AP1B1: variants seen among roughly 807,000 people sequenced by gnomAD.
AP1B1 encodes the protein AP-1 complex subunit beta-1.
AP1B1 carries 36 observed loss-of-function variants against 104.3 expected under a neutral mutation model. That is an observed-to-expected ratio of 0.35 (90% CI 0.26 to 0.46). The LOEUF (loss-of-function observed/expected upper bound fraction) is 0.46. Among genes scored for constraint, AP1B1 ranks in the 20% least tolerant of loss-of-function variants. The probability of loss-of-function intolerance (pLI) is 1.00; values close to 1 mark genes in which losing one functional copy is unlikely to be tolerated. For missense variants in AP1B1, 901 were observed against 1,247.9 expected (o/e 0.72, Z 4.19); for synonymous variants, 504 against 517.5 (o/e 0.97, Z 0.35).
intron 6 of AP1B1, 42 bp from the exon 7 acceptor site, chr22:29,354,913 G>T: frequency 6.4e-7 from 1 of 1,557,412 alleles, no homozygotes; most frequent in Non-Finnish European, 8.9e-7. Context: ...GGAAAGACAA[G>T]GGGAAACATT....
At position 29,331,544 on chromosome 22, in the gene AP1B1, G is replaced by A. The variant is rs1189359982; in HGVS notation, c.2440-11C>T. 6.2e-7 allele frequency: 1 copy of A among 1,614,016 alleles called. No homozygotes were observed. Among genetic ancestry groups the A allele is most frequent in the African/African-American group, 1.3e-5 (1 of 74,944 alleles). ...GTTCTTCACGGCCACCTAGGCACAAGGGGGTCCCCAGTCAGTCTCTGGGGC... is the reference window on the plus strand; with the variant it reads ...GTTCTTCACGGCCACCTAGGCACAAAGGGGTCCCCAGTCAGTCTCTGGGGC... On this transcript the variant is annotated splice_polypyrimidine_tract_variant and intron_variant, in intron 18 of 22. Transcript: ENST00000357586.
At chr22:29,346,033 G>A (rs1339817940) in intron 11 of AP1B1, among the ~76,000 whole-genome samples, 3 of 152,210 alleles carry the variant, frequency 2.0e-5, no homozygotes, top group East Asian at 3.8e-4. Context: ...AACCAAAGAT[G>A]CAAAGTGAAC....
At chr22:29,378,588 A>C (rs1241131610) in intron 1 of AP1B1, among the ~76,000 whole-genome samples, 2 of 144,684 alleles carry the variant, frequency 1.4e-5, no homozygotes, top group African/African-American at 5.1e-5. Flanking sequence ...GGCCGGGCGC[A>C]GTGGCTCACG....
At position 29,359,947 on chromosome 22, in the gene AP1B1, G is replaced by A. The variant is rs755546030; in HGVS notation, c.156C>T (p.Pro52=). The A allele has an allele frequency of 1.7e-5, 28 of 1,612,962 alleles. No homozygotes were observed. The highest frequency in any genetic ancestry group is 6.7e-5 in the African/African-American group (5 of 74,872). ...CCGTCTGCATGCAGTTGACCACATCGGGGAAGAGGGCACTGGAAGGTCAAA... is the reference window on the plus strand; with the variant it reads ...CCGTCTGCATGCAGTTGACCACATCAGGGAAGAGGGCACTGGAAGGTCAAA... ...TVGKDVSALF[P]DVVNCMQTDN... Residue 52 remains proline, a synonymous_variant, in exon 4 of 23, where the codon CCC becomes CCT. Coordinates refer to ENST00000357586, the MANE Select transcript of AP1B1 (RefSeq NM_001127.4).
intron 1 of AP1B1, among the ~76,000 whole-genome samples, chr22:29,369,942 A>G (rs888787162): frequency 2.0e-5 from 3 of 151,436 alleles, no homozygotes; most frequent in Non-Finnish European, 4.4e-5. Context: ...CAGGTAAATC[A>G]GATAATGGGA....
intron 11 of AP1B1, among the ~76,000 whole-genome samples, 172 bp from the exon 12 acceptor site, chr22:29,342,555 T>C (rs1445642796): frequency 6.6e-6 from 1 of 152,200 alleles, no homozygotes; most frequent in African/African-American, 2.4e-5. Context: ...CAAGTGTTGG[T>C]GCCGCTGAGC....
Position 29,349,201 on chromosome 22 carries a change from C to G in AP1B1, c.1437+17G>C, listed in dbSNP as rs1343309342. The G allele has an allele frequency of 1.9e-6, 3 of 1,610,370 alleles. No individual in the cohort carries two copies. The highest frequency in any genetic ancestry group is 1.3e-5 in the African/African-American group (1 of 75,052). ...CTGCCAGTCATGACTCACACCCTGG[C>G]CAGCTCGCTGGCTCACCTGTGTGCT... On this transcript the variant is annotated intron_variant, in intron 11 of 22. Transcript: ENST00000357586.
At chr22:29,367,747 C>T (rs1203580569) in intron 1 of AP1B1, among the ~76,000 whole-genome samples, 2 of 152,172 alleles carry the variant, frequency 1.3e-5, no homozygotes, top group African/African-American at 4.8e-5. Context: ...TCATTAGGAG[C>T]CTCATCACAG....
intron 1 of AP1B1, among the ~76,000 whole-genome samples, chr22:29,382,323 A>G (rs1264631452): frequency 6.6e-6 from 1 of 152,194 alleles, no homozygotes; most frequent in Admixed American, 6.5e-5. Context: ...CTGGGATTAC[A>G]GGCATGAGCC....
At chr22:29,376,959 G>A (rs2148045333) in intron 1 of AP1B1, among the ~76,000 whole-genome samples, 1 of 152,226 alleles carries the variant, frequency 6.6e-6, no homozygotes, top group Admixed American at 6.5e-5. Context: ...ACTTTGGGAG[G>A]CCGAGGTGGG....
At position 29,331,547 on chromosome 22, in the gene AP1B1, G is replaced by A. The variant is rs139095369; in HGVS notation, c.2440-14C>T. On this transcript the variant is annotated splice_polypyrimidine_tract_variant and intron_variant, in intron 18 of 22. Coordinates refer to ENST00000357586, the MANE Select transcript of AP1B1 (RefSeq NM_001127.4). ...CTTCACGGCCACCTAGGCACAAGGGGGTCCCCAGTCAGTCTCTGGGGCTTG... is the reference window on the plus strand; with the variant it reads ...CTTCACGGCCACCTAGGCACAAGGGAGTCCCCAGTCAGTCTCTGGGGCTTG... 1.1e-4 allele frequency: 182 copies of A among 1,614,072 alleles called. No homozygotes were observed. Among genetic ancestry groups the A allele is most frequent in the African/African-American group, 1.0e-3 (76 of 75,042 alleles).
intron 11 of AP1B1, among the ~76,000 whole-genome samples, chr22:29,344,718 C>T (rs887534489): frequency 6.6e-6 from 1 of 151,758 alleles, no homozygotes; most frequent in Admixed American, 6.6e-5. Flanking sequence ...TGGGTTTCAC[C>T]ATGTTGGCCA....
At chr22:29,377,389 C>G (rs2062362626) in intron 1 of AP1B1, among the ~76,000 whole-genome samples, 1 of 151,974 alleles carries the variant, frequency 6.6e-6, no homozygotes, top group Admixed American at 6.6e-5. Context: ...CAAGTCAGTT[C>G]AATCACTATG....
Position 29,356,456 on chromosome 22 carries a change from T to G in AP1B1, c.686A>C (p.Tyr229Ser). The change falls in exon 6 of 23, where the codon TAT becomes TCT. Residue 229 changes from tyrosine to serine, a missense_variant. Transcript: ENST00000357586. The part of the protein sequence containing the change: ...QIFILDCLAN[Y>S]MPKDDREAQS... ...GGCCTCGCGGTCGTCCTTGGGCATA[T>G]AGTTGGCGAGGCAGTCCAGGATGAA... is the stretch of plus-strand genomic sequence containing the variant. The G allele has an allele frequency of 6.2e-7, 1 of 1,614,176 alleles. No individual in the cohort carries two copies. Among genetic ancestry groups the G allele is most frequent in the Non-Finnish European group, 8.5e-7 (1 of 1,180,016 alleles).
intron 7 of AP1B1, 126 bp downstream of exon 7, chr22:29,354,524 A>AT: frequency 1.1e-6 from 1 of 902,866 alleles, no homozygotes; most frequent in South Asian, 1.6e-5. Flanking sequence ...TGGTTAAGCT[A>AT]TTCTGGGTTA....
chr22:29,331,543 A>AG lies in AP1B1; in HGVS notation c.2440-11dup. 1 of 1,614,144 alleles carries AG rather than the reference A, an allele frequency of 6.2e-7. No individual in the cohort carries two copies. Among genetic ancestry groups the AG allele is most frequent in the East Asian group, 2.2e-5 (1 of 44,876 alleles). On this transcript the variant is annotated splice_polypyrimidine_tract_variant and intron_variant, in intron 18 of 22. Coordinates refer to ENST00000357586, the MANE Select transcript of AP1B1 (RefSeq NM_001127.4). ...TGTTCTTCACGGCCACCTAGGCACA[A>AG]GGGGGTCCCCAGTCAGTCTCTGGGG...
chr22:29,378,456 G>A (rs2062381114), intron 1 of AP1B1, among the ~76,000 whole-genome samples: 1 of 151,020 alleles, frequency 6.6e-6, no homozygotes, highest in Admixed American at 6.6e-5. Context: ...AGGAGCCTGA[G>A]GTGGGAAGAT....
intron 1 of AP1B1, among the ~76,000 whole-genome samples, chr22:29,371,824 C>T (rs182920186): frequency 1.1e-4 from 17 of 152,130 alleles, no homozygotes; most frequent in South Asian, 6.2e-4. Context: ...TGGTTAATTA[C>T]GGGGAATTTT....
chr22:29,352,767 A>T (rs887328191), intron 7 of AP1B1, among the ~76,000 whole-genome samples: 1 of 152,156 alleles, frequency 6.6e-6, no homozygotes, highest in African/African-American at 2.4e-5. Context: ...TGTCTCAAAA[A>T]ATATATATAT....
Sources: gnomAD v4.1 joint callset for allele counts (sites outside exome capture counted in the v4.1 genomes callset) on GRCh38, gnomAD v4.1.1 for gene constraint, MANE v1.5 for transcripts, NCBI Gene and HGNC (gene_info 2026-07-23, HGNC 2026-07-21) for gene names.